Variants in PSMG4 observed in about 807,000 individuals in gnomAD.
PSMG4 encodes proteasome (prosome, macropain) assembly chaperone 4.
Under a neutral mutation model 11.0 loss-of-function variants are expected in PSMG4, and 10 were observed. That is an observed-to-expected ratio of 0.91 (90% CI 0.56 to 1.54). The LOEUF (loss-of-function observed/expected upper bound fraction) is 1.54, where lower values mean the gene tolerates loss of function less well. Ranked by LOEUF, PSMG4 falls within the 40% of genes most tolerant of loss-of-function variation. The pLI is 0.00. For missense variants in PSMG4, 198 were observed against 160.9 expected, an observed-to-expected ratio of 1.23 and a Z score of -1.25; for synonymous variants, 95 against 71.3, an observed-to-expected ratio of 1.33 and a Z score of -1.68.
Position 3,267,769 on chromosome 6 carries a change from G to C in PSMG4, c.*57G>C. The C allele has an allele frequency of 2.0e-6, 3 of 1,505,872 alleles. No individual in the cohort carries two copies. Among genetic ancestry groups the C allele is most frequent in the Non-Finnish European group, 2.7e-6 (3 of 1,113,084 alleles). 93.3% of individuals were successfully genotyped at this position (1,505,872 alleles called of 1,614,324 possible). On this transcript the variant is annotated 3_prime_UTR_variant, in exon 3 of 3. Coordinates refer to ENST00000438998, the MANE Select transcript of PSMG4 (RefSeq NM_001128591.2). Reference sequence around the variant, plus strand: ...ATGTACAATGTACGTGTAAATAAATGGATTGAATTTCAGTTTGTCATCAGG... The same window carrying C: ...ATGTACAATGTACGTGTAAATAAATCGATTGAATTTCAGTTTGTCATCAGG...
chr6:3,267,284 TC>T (rs1758228394), intron 2 of PSMG4: 1 of 244,498 alleles, frequency 4.1e-6, no homozygotes, highest in Admixed American at 4.9e-5. Flanking sequence ...TGGCCCCAAA[TC>T]CTGGCTTTCT....
chr6:3,254,536 G>A (rs564050293), upstream of PSMG4, among the ~76,000 whole-genome samples: 6 of 151,674 alleles, frequency 4.0e-5, no homozygotes, highest in South Asian at 1.3e-3. Flanking sequence ...ACAATTATCT[G>A]GAAGGTGTGC....
At chr6:3,260,289 A>ATTTTTTTTTTT (rs1264357024) in intron 1 of PSMG4, among the ~76,000 whole-genome samples, 44 of 31,052 alleles carry the variant, frequency 1.4e-3, no homozygotes, top group Non-Finnish European at 2.1e-3. Flanking sequence ...ATATATATAT[A>ATTTTTTTTTTT]TATTTTTTTT....
upstream of PSMG4, among the ~76,000 whole-genome samples, chr6:3,254,487 T>A (rs936593617): frequency 6.6e-6 from 1 of 152,154 alleles, no homozygotes; most frequent in Non-Finnish European, 1.5e-5. Flanking sequence ...ATATTGTTGC[T>A]GGTGGTTTTT....
At chr6:3,260,291 A>ATATATATATATATATATTTTTTTTTTTTT in intron 1 of PSMG4, among the ~76,000 whole-genome samples, 1 of 70,864 alleles carries the variant, frequency 1.4e-5, no homozygotes, top group African/African-American at 5.4e-5. Flanking sequence ...ATATATATAT[A>ATATATATATATATATATTTTTTTTTTTTT]TTTTTTTTTT....
chr6:3,259,312 C>T (rs1054378178), intron 1 of PSMG4, 116 bp downstream of exon 1: 15 of 965,794 alleles, frequency 1.6e-5, no homozygotes, highest in East Asian at 1.0e-4. Flanking sequence ...CCTACTCCCC[C>T]GAAGCCCACC....
chr6:3,259,100 C>A lies in PSMG4; in HGVS notation c.78C>A (p.Val26=). ...GCGCGAGGCTGTGGGAGCAGCTGGT[C>A]CACTTCCACGTCATGCGGCTGACGG... ...NFSARLWEQL[V]HFHVMRLTDS... is the part of the protein sequence containing the mutation. Residue 26 remains valine (V), a synonymous_variant, in exon 1 of 3, where the codon GTC becomes GTA. Coordinates refer to ENST00000438998, the MANE Select transcript of PSMG4 (RefSeq NM_001128591.2). 1.6e-6 allele frequency: 2 copies of A among 1,275,038 alleles called. No homozygotes were observed. The highest frequency in any genetic ancestry group is 2.0e-6 in the Non-Finnish European group (2 of 1,008,960). 79.0% of individuals were successfully genotyped at this position (1,275,038 alleles called of 1,614,324 possible).
intron 1 of PSMG4, among the ~76,000 whole-genome samples, 183 bp downstream of exon 1, chr6:3,259,379 C>T (rs1183260907): frequency 1.3e-5 from 2 of 152,218 alleles, no homozygotes; most frequent in Non-Finnish European, 2.9e-5. Context: ...TCGGGAGCTG[C>T]GCGCGGGCCC....
chr6:3,261,505 C>G (rs1232846241), intron 1 of PSMG4, among the ~76,000 whole-genome samples: 1 of 152,302 alleles, frequency 6.6e-6, no homozygotes, highest in Middle Eastern at 3.4e-3. Context: ...TCACCCGACC[C>G]CATGGTGGTC....
chr6:3,256,277 GTATA>G (rs1016813481), upstream of PSMG4, among the ~76,000 whole-genome samples: 35 of 152,154 alleles, frequency 2.3e-4, no homozygotes, highest in Admixed American at 2.3e-3. Flanking sequence ...TAATTTCTAG[GTATA>G]TATATCCCAG....
chr6:3,254,889 C>T (rs1315746008), upstream of PSMG4, among the ~76,000 whole-genome samples: 1 of 151,274 alleles, frequency 6.6e-6, no homozygotes. Context: ...TGACTCCGAC[C>T]TTGTAAGTGA....
At chr6:3,255,171 AC>A (rs535543159), upstream of PSMG4, 546 of 1,550,820 alleles carry the variant, frequency 3.5e-4, 9 homozygotes, top group South Asian at 6.3e-3. Context: ...CTGACGGCTT[AC>A]ATGTGCGCTC....
At chr6:3,256,772 C>T (rs1042245392), upstream of PSMG4, among the ~76,000 whole-genome samples, 1 of 152,226 alleles carries the variant, frequency 6.6e-6, no homozygotes, top group African/African-American at 2.4e-5. Flanking sequence ...CTGGGGCAAA[C>T]TGGCCTGGCT....
chr6:3,263,916 T>C, intron 2 of PSMG4, 157 bp downstream of exon 2: 1 of 1,433,072 alleles, frequency 7.0e-7, no homozygotes, highest in Admixed American at 2.8e-5. Context: ...TTGGGTCTTA[T>C]TTAAGGGGCA....
In PSMG4 at chr6:3,259,033, T is replaced by G. The variant is rs1433952308; in HGVS notation, c.11T>G (p.Leu4Arg). 2 of 1,250,012 alleles carry G rather than the reference T, an allele frequency of 1.6e-6. No homozygotes were observed. The highest frequency in any genetic ancestry group is 8.4e-5 in the Admixed American group (2 of 23,770). The allele number at this position is 1,250,012 out of a possible 1,614,324, so 77.4% of individuals were successfully genotyped here. Residue 4 changes from leucine (L) to arginine (R), a missense_variant, in exon 1 of 3, where the codon CTG becomes CGG. Coordinates refer to ENST00000438998, the MANE Select transcript of PSMG4 (RefSeq NM_001128591.2). ...GAGCCGTGGGGCGGCATGGAGGGGCTGGTTGTCGCCGCCGGCGGGGACGTC... is the reference window on the plus strand; with the variant it reads ...GAGCCGTGGGGCGGCATGGAGGGGCGGGTTGTCGCCGCCGGCGGGGACGTC... MEG[L>R]VVAAGGDVSL...
chr6:3,264,171 C>T, intron 2 of PSMG4: 2 of 1,550,112 alleles, frequency 1.3e-6, no homozygotes, highest in Non-Finnish European at 8.7e-7. Flanking sequence ...CACCTCTGTG[C>T]AGGAAGGACT....
intron 1 of PSMG4, 87 bp from the exon 2 acceptor site, chr6:3,263,597 G>C: frequency 8.4e-7 from 1 of 1,194,082 alleles, no homozygotes; most frequent in African/African-American, 1.5e-5. Flanking sequence ...TGCCATCGTC[G>C]TGAAGAATCA....
chr6:3,263,825 A>G, intron 2 of PSMG4, 66 bp downstream of exon 2: 1 of 1,519,430 alleles, frequency 6.6e-7, no homozygotes, highest in Non-Finnish European at 8.8e-7. Flanking sequence ...GGAACCATGA[A>G]GCAAGTCCCT....
intron 1 of PSMG4, among the ~76,000 whole-genome samples, chr6:3,260,297 T>A (rs994835324): frequency 2.3e-5 from 3 of 128,156 alleles, no homozygotes; most frequent in African/African-American, 3.1e-5. Context: ...ATATATTTTT[T>A]TTTTTTTTTT....
Sources: allele counts gnomAD v4.1 joint callset (sites outside exome capture counted in the v4.1 genomes callset), GRCh38; gene constraint gnomAD v4.1.1; transcripts MANE v1.5; gene names NCBI Gene and HGNC (gene_info 2026-07-23, HGNC 2026-07-21).